NMNAT2: variants seen among roughly 807,000 people sequenced by gnomAD.
NMNAT2 encodes nicotinamide nucleotide adenylyltransferase 2, also known as nicotinamide/nicotinic acid mononucleotide adenylyltransferase 2.
A neutral mutation model predicts 41.6 loss-of-function variants in NMNAT2; 11 were observed. That is an observed-to-expected ratio of 0.26 (90% CI 0.17 to 0.44). NMNAT2 has a LOEUF of 0.44. NMNAT2 is among the 20% of genes least tolerant of loss of function. The pLI, the probability that NMNAT2 is intolerant of heterozygous loss-of-function variation, is 1.00. For missense variants in NMNAT2, 288 were observed against 407.7 expected (o/e 0.71, Z 2.53); for synonymous variants, 148 against 151.2 (o/e 0.98, Z 0.16).
At chr1:183,416,360 G>A (rs1649252888) in intron 1 of NMNAT2, among the ~76,000 whole-genome samples, 1 of 152,174 alleles carries the variant, frequency 6.6e-6, no homozygotes, top group Non-Finnish European at 1.5e-5. Flanking sequence ...CTTTCTCTTG[G>A]TTCCAAAGGA....
chr1:183,288,206 G>T (rs894982214), intron 4 of NMNAT2, among the ~76,000 whole-genome samples: 2 of 152,194 alleles, frequency 1.3e-5, no homozygotes, highest in Non-Finnish European at 2.9e-5. Flanking sequence ...GTAGAAAATG[G>T]CTGGCTGCAT....
intron 1 of NMNAT2, among the ~76,000 whole-genome samples, chr1:183,305,716 CTTT>C (rs5741563): frequency 0.017 from 2,093 of 123,142 alleles, 56 homozygotes; most frequent in African/African-American, 0.06. Context: ...CCTTTACAGC[CTTT>C]TTTTTTTTTT....
chr1:183,389,494 G>C (rs898205534), intron 1 of NMNAT2, among the ~76,000 whole-genome samples: 2 of 151,678 alleles, frequency 1.3e-5, no homozygotes, highest in African/African-American at 4.9e-5. Context: ...ATAAATGTGG[G>C]GATAAAACCA....
intron 1 of NMNAT2, among the ~76,000 whole-genome samples, chr1:183,345,709 C>T (rs1352487739): frequency 2.7e-5 from 4 of 145,582 alleles, no homozygotes; most frequent in African/African-American, 7.7e-5. Context: ...TTTTTTGAGA[C>T]GGAGTCTCAC....
In NMNAT2 at chr1:183,249,928, C is replaced by T. The variant is rs1363211807; in HGVS notation, c.*2713G>A. ...TGTCTTAATTCATCTCACTTTCCCTCCCCACTCCCACATGCTTTCGGACTG... is the reference window on the plus strand; with the variant it reads ...TGTCTTAATTCATCTCACTTTCCCTTCCCACTCCCACATGCTTTCGGACTG... On this transcript the variant is annotated 3_prime_UTR_variant, in exon 11 of 11. Coordinates refer to ENST00000287713, the MANE Select transcript of NMNAT2 (RefSeq NM_015039.4). 1 of 152,124 alleles carries T rather than the reference C, an allele frequency of 6.6e-6. No individual in the cohort carries two copies. Among genetic ancestry groups the T allele is most frequent in the Non-Finnish European group, 1.5e-5 (1 of 68,066 alleles). The allele number at this position is 152,124 out of a possible 1,614,324, so 9.4% of individuals were successfully genotyped here. A position where few individuals can be genotyped will look rare whatever the true frequency, so the allele number is the denominator to read the frequency against.
rs1394226046 is a variant in NMNAT2, at chr1:183,348,143, T to TATCATTGAGATAC, written c.86-54351_86-54350insGTATCTCAATGAT. On this transcript the variant is annotated intron_variant, in intron 1 of 10. Coordinates refer to ENST00000287713, the MANE Select transcript of NMNAT2 (RefSeq NM_015039.4). The stretch of plus-strand genomic sequence containing the variant: ...TCAACATGGGTGATACGTTGAGATA[T>TATCATTGAGATAC]GTGATACTCTCCTTTTCAATTTGAC... Among the ~76,000 whole-genome samples, 59 of 152,344 alleles carry TATCATTGAGATAC rather than the reference T, an allele frequency of 3.9e-4. 2 individuals carry two copies. The East Asian group carries it at 0.011, about 27-fold the overall frequency.
intron 1 of NMNAT2, among the ~76,000 whole-genome samples, chr1:183,302,904 GC>G (rs1332645882): frequency 1.3e-5 from 2 of 152,018 alleles, no homozygotes; most frequent in East Asian, 3.9e-4. Flanking sequence ...CTCCTTGCTG[GC>G]CCCCTATGAC....
chr1:183,399,747 G>C (rs1259871393), intron 1 of NMNAT2, among the ~76,000 whole-genome samples: 4 of 152,188 alleles, frequency 2.6e-5, no homozygotes, highest in Admixed American at 6.5e-5. Context: ...GGGATGCAAG[G>C]CTGGCTCAAC....
chr1:183,292,919 A>C, intron 2 of NMNAT2, 62 bp from the exon 3 acceptor site: 1 of 1,489,256 alleles, frequency 6.7e-7, no homozygotes. Flanking sequence ...TCCTTGGGAT[A>C]CCAGCCCAAG....
At chr1:183,324,356 A>T (rs1360912606) in intron 1 of NMNAT2, among the ~76,000 whole-genome samples, 11 of 152,234 alleles carry the variant, frequency 7.2e-5, no homozygotes, top group Admixed American at 7.2e-4. Context: ...GAATGAGCTA[A>T]GCTGAATTTC....
At position 183,344,232 on chromosome 1, in the gene NMNAT2, C is replaced by T. The variant is rs78466583; in HGVS notation, c.86-50439G>A. ...GCTGAATGCGATTAATTCTCACAAC[C>T]GCACAATGAAGCAAGCATAATCATC... is the stretch of plus-strand genomic sequence containing the variant. On this transcript the variant is annotated intron_variant, in intron 1 of 10. Transcript: ENST00000287713. Among the ~76,000 whole-genome samples, 126 of 152,180 alleles carry T rather than the reference C, an allele frequency of 8.3e-4. 3 individuals carry two copies. The South Asian group carries it at 0.015, about 18-fold the overall frequency.
chr1:183,280,618 C>T (rs568522838), intron 7 of NMNAT2, among the ~76,000 whole-genome samples: 10 of 151,880 alleles, frequency 6.6e-5, no homozygotes, highest in African/African-American at 2.2e-4. Flanking sequence ...AAACTCCTGA[C>T]CTCAAGTGAT....
At chr1:183,274,831 G>A (rs1661083892) in intron 8 of NMNAT2, among the ~76,000 whole-genome samples, 1 of 151,894 alleles carries the variant, frequency 6.6e-6, no homozygotes, top group African/African-American at 2.4e-5. Flanking sequence ...AGAAAATAGG[G>A]AAGATGACTT....
chr1:183,349,416 G>C (rs1662997844), intron 1 of NMNAT2, among the ~76,000 whole-genome samples: 1 of 152,236 alleles, frequency 6.6e-6, no homozygotes, highest in Non-Finnish European at 1.5e-5. Flanking sequence ...CAACTCACAG[G>C]CAGCTCGATG....
At chr1:183,279,059 A>G (rs1023090409) in intron 7 of NMNAT2, among the ~76,000 whole-genome samples, 1 of 152,174 alleles carries the variant, frequency 6.6e-6, no homozygotes, top group African/African-American at 2.4e-5. Flanking sequence ...GCTACTGTGC[A>G]TTGTCTGGAG....
At chr1:183,382,603 C>T (rs1663825809) in intron 1 of NMNAT2, among the ~76,000 whole-genome samples, 1 of 152,178 alleles carries the variant, frequency 6.6e-6, no homozygotes, top group Admixed American at 6.5e-5. Flanking sequence ...AGGGTATAGG[C>T]ATTGGGTAAA....
chr1:183,334,134 G>A (rs546749928), intron 1 of NMNAT2, among the ~76,000 whole-genome samples: 2 of 152,152 alleles, frequency 1.3e-5, no homozygotes, highest in East Asian at 1.9e-4. Flanking sequence ...GCACGATCTC[G>A]GCTCACTGAA....
At chr1:183,352,772 C>A (rs2102353361) in intron 1 of NMNAT2, among the ~76,000 whole-genome samples, 1 of 152,244 alleles carries the variant, frequency 6.6e-6, no homozygotes, top group South Asian at 2.1e-4. Flanking sequence ...CAAGGCCCTG[C>A]ACTGTGGAAA....
At position 183,418,268 on chromosome 1, in the gene NMNAT2, G is replaced by C; in HGVS notation, c.-1C>G. 1 of 1,613,944 alleles carries C rather than the reference G, an allele frequency of 6.2e-7. No homozygotes were observed. Among genetic ancestry groups the C allele is most frequent in the South Asian group, 1.1e-5 (1 of 91,066 alleles). ...CGTGGGTCTTGGTGGTCTCGGTCATGGTGCAGATGGGTCCTTCGCGGTGGT... is the reference window on the plus strand; with the variant it reads ...CGTGGGTCTTGGTGGTCTCGGTCATCGTGCAGATGGGTCCTTCGCGGTGGT... On this transcript the variant is annotated 5_prime_UTR_variant, in exon 1 of 11. Transcript: ENST00000287713.
Sources: allele counts gnomAD v4.1 joint callset (sites outside exome capture counted in the v4.1 genomes callset), GRCh38; gene constraint gnomAD v4.1.1; transcripts MANE v1.5; gene names NCBI Gene and HGNC (gene_info 2026-07-23, HGNC 2026-07-21).